KCNH1: variants seen among roughly 807,000 people sequenced by gnomAD.
The protein encoded by KCNH1 is potassium voltage-gated channel subfamily H member 1, also known as voltage-gated delayed rectifier potassium channel KCNH1.
Under a neutral mutation model 69.2 loss-of-function variants are expected in KCNH1, and 27 were observed. The ratio of observed to expected loss-of-function variants is 0.39; its 90% CI spans 0.29 to 0.54. The LOEUF is 0.54. KCNH1 is among the 20% of genes least tolerant of loss of function. The pLI is 0.68. For synonymous variants in KCNH1, 456 were observed against 487.7 expected (o/e 0.93, Z 0.86); for missense variants, 798 against 1,261.6 (o/e 0.63, Z 5.57).
chr1:210,714,470 T>C (rs1682171016), intron 10 of KCNH1, among the ~76,000 whole-genome samples: 1 of 152,180 alleles, frequency 6.6e-6, no homozygotes, highest in Non-Finnish European at 1.5e-5. Context: ...GTTGTTAACC[T>C]AAAATTCAGT....
At chr1:211,080,331 A>G (rs1244269927) in intron 5 of KCNH1, among the ~76,000 whole-genome samples, 5 of 152,214 alleles carry the variant, frequency 3.3e-5, no homozygotes, top group African/African-American at 4.8e-5. Context: ...ACACAAACAA[A>G]TGGAAGAACA....
intron 6 of KCNH1, among the ~76,000 whole-genome samples, chr1:210,948,759 G>A (rs1036176168): frequency 6.6e-6 from 1 of 151,532 alleles, no homozygotes; most frequent in South Asian, 2.1e-4. Context: ...CGTGAACCCA[G>A]GAGGCATGCA....
chr1:210,990,657 A>T (rs1234710574), intron 6 of KCNH1, among the ~76,000 whole-genome samples: 1 of 152,192 alleles, frequency 6.6e-6, no homozygotes, highest in East Asian at 1.9e-4. Flanking sequence ...TCTAAACTTT[A>T]GTTTACTCAA....
intron 7 of KCNH1, among the ~76,000 whole-genome samples, chr1:210,906,275 A>T (rs1454454914): frequency 6.6e-6 from 1 of 152,204 alleles, no homozygotes; most frequent in Non-Finnish European, 1.5e-5. Flanking sequence ...CAGTAATTTC[A>T]TATGGAGCAA....
At chr1:210,720,881 G>A (rs1232658547) in intron 10 of KCNH1, among the ~76,000 whole-genome samples, 1 of 152,166 alleles carries the variant, frequency 6.6e-6, no homozygotes, top group Non-Finnish European at 1.5e-5. Context: ...AGTGGGAGTA[G>A]AAGAGTCAAC....
At chr1:210,715,359 AT>A (rs2149020391) in intron 10 of KCNH1, among the ~76,000 whole-genome samples, 1 of 152,296 alleles carries the variant, frequency 6.6e-6, no homozygotes, top group Non-Finnish European at 1.5e-5. Context: ...TCAGACTTAA[AT>A]AACACACAAT....
intron 5 of KCNH1, among the ~76,000 whole-genome samples, chr1:211,021,633 G>A (rs931352660): frequency 3.3e-5 from 5 of 151,574 alleles, no homozygotes; most frequent in Admixed American, 6.6e-5. Context: ...ATTCACTAAC[G>A]TTGCAGGATA....
At chr1:210,685,221 T>C (rs1681383929) in intron 10 of KCNH1, among the ~76,000 whole-genome samples, 1 of 152,176 alleles carries the variant, frequency 6.6e-6, no homozygotes, top group African/African-American at 2.4e-5. Flanking sequence ...CTGGGACGTG[T>C]TTTGACCCAT....
At chr1:210,709,685 T>C (rs1682005495) in intron 10 of KCNH1, among the ~76,000 whole-genome samples, 1 of 145,448 alleles carries the variant, frequency 6.9e-6, no homozygotes, top group Non-Finnish European at 1.5e-5. Context: ...GAAAGAGAGA[T>C]ATACAAAGAG....
intron 5 of KCNH1, among the ~76,000 whole-genome samples, chr1:211,044,299 G>A (rs763087367): frequency 2.6e-5 from 4 of 152,006 alleles, no homozygotes; most frequent in Non-Finnish European, 4.4e-5. Context: ...CACCAACAGC[G>A]ACCAAGTGGA....
chr1:210,740,776 C>T (rs1683010497), intron 10 of KCNH1, among the ~76,000 whole-genome samples: 1 of 134,638 alleles, frequency 7.4e-6, no homozygotes, highest in African/African-American at 2.8e-5. Context: ...CTTGTGACAG[C>T]TAAAACACAC....
At position 210,729,644 on chromosome 1, in the gene KCNH1, G is replaced by T. The variant is rs115232543; in HGVS notation, c.2113-45506C>A. ...GACTGTCATTAGTAATAAATTACTT[G>T]CAACACACCTCACAACTTATTATGA... On this transcript the variant is annotated intron_variant, in intron 10 of 10. Coordinates refer to ENST00000271751, the MANE Select transcript of KCNH1 (RefSeq NM_172362.3). Among the ~76,000 whole-genome samples, 732 of 152,256 alleles carry T rather than the reference G, an allele frequency of 4.8e-3. 3 individuals carry two copies. The highest frequency in any genetic ancestry group is 0.017 in the African/African-American group (706 of 41,542).
chr1:211,107,424 A>G (rs753522294), intron 1 of KCNH1, 47 bp from the exon 2 acceptor site: 44 of 1,559,306 alleles, frequency 2.8e-5, no homozygotes, highest in Middle Eastern at 1.7e-4. Context: ...GAGGCAACAC[A>G]TTAGTTGAGA....
At chr1:210,849,365 C>CTTTTT (rs150451228) in intron 7 of KCNH1, among the ~76,000 whole-genome samples, 11 of 128,020 alleles carry the variant, frequency 8.6e-5, no homozygotes, top group East Asian at 4.5e-4. Flanking sequence ...TTCTTTCTTT[C>CTTTTT]TTTTTTTTTT....
chr1:210,712,399 C>T (rs532836037), intron 10 of KCNH1, among the ~76,000 whole-genome samples: 1 of 152,294 alleles, frequency 6.6e-6, no homozygotes, highest in Non-Finnish European at 1.5e-5. Flanking sequence ...ACTCCGCCTG[C>T]TTCAGGGCTG....
At chr1:210,959,780 G>A (rs12039302) in intron 6 of KCNH1, among the ~76,000 whole-genome samples, 10,821 of 152,230 alleles carry the variant, frequency 0.071, 788 homozygotes, top group East Asian at 0.39. Flanking sequence ...GTATTTAGGC[G>A]GGAATGTACC....
At position 210,760,522 on chromosome 1, in the gene KCNH1, A is replaced by G. The variant is rs1452134955; in HGVS notation, c.2112+14826T>C. On this transcript the variant is annotated intron_variant, in intron 10 of 10. Transcript: ENST00000271751. The stretch of plus-strand genomic sequence containing the variant: ...AATTCATCACTACCAGACCAGTCCT[A>G]CAAAAAATGCTTAAAGGAGTCCTAA... Among the ~76,000 whole-genome samples the G allele has an allele frequency of 2.0e-5, 3 of 152,240 alleles. No homozygotes were observed. In the East Asian group the frequency reaches 5.8e-4, roughly 29 times the overall value.
chr1:211,038,316 C>T (rs1274343769), intron 5 of KCNH1, among the ~76,000 whole-genome samples: 1 of 152,108 alleles, frequency 6.6e-6, no homozygotes, highest in Non-Finnish European at 1.5e-5. Flanking sequence ...TCTGAGGCCT[C>T]CCCAGCTATG....
At chr1:211,066,916 C>A (rs1029326055) in intron 5 of KCNH1, among the ~76,000 whole-genome samples, 6 of 152,156 alleles carry the variant, frequency 3.9e-5, no homozygotes, top group Non-Finnish European at 2.9e-5. Context: ...AATACCCACC[C>A]CCCAGGACAT....
Sources: gnomAD v4.1 joint callset for allele counts (sites outside exome capture counted in the v4.1 genomes callset) on GRCh38, gnomAD v4.1.1 for gene constraint, MANE v1.5 for transcripts, NCBI Gene and HGNC (gene_info 2026-07-23, HGNC 2026-07-21) for gene names.